EPB41L4A: variants seen among roughly 807,000 people sequenced by gnomAD.
EPB41L4A encodes erythrocyte membrane protein band 4.1 like 4A, also known as band 4.1-like protein 4A.
EPB41L4A carries 100 observed loss-of-function variants against 108.6 expected under a neutral mutation model. That is an observed-to-expected ratio of 0.92 (90% confidence interval 0.78 to 1.09). The LOEUF is 1.09. Among genes scored for constraint, EPB41L4A ranks in the 50% least tolerant of loss-of-function variants. The pLI is 0.00. For synonymous variants in EPB41L4A, 319 were observed against 289.0 expected, an observed-to-expected ratio of 1.10 and a Z score of -1.05; for missense variants, 1,030 against 842.7, an observed-to-expected ratio of 1.22 and a Z score of -2.75.
chr5:112,348,602 G>A (rs1239087673), intron 1 of EPB41L4A, among the ~76,000 whole-genome samples: 2 of 152,122 alleles, frequency 1.3e-5, no homozygotes, highest in East Asian at 1.9e-4. Context: ...GTGAGCTCAC[G>A]GCAAATCTGC....
At chr5:112,273,482 G>C (rs12515317) in intron 4 of EPB41L4A, among the ~76,000 whole-genome samples, 47,610 of 152,054 alleles carry the variant, frequency 0.31, 7,717 homozygotes, top group African/African-American at 0.37. Context: ...ATTAACTCAA[G>C]TATTTTTGGA....
At chr5:112,209,864 G>A (rs749250189) in intron 13 of EPB41L4A, 28 bp downstream of exon 13, 20 of 1,384,642 alleles carry the variant, frequency 1.4e-5, no homozygotes, top group Non-Finnish European at 2.0e-5. Flanking sequence ...GCATATAATT[G>A]TACGTTTCTT....
chr5:112,240,762 TGCAA>T lies in EPB41L4A; in HGVS notation c.840_843del (p.Cys281SerfsTer48). On this transcript the variant is annotated frameshift_variant, in exon 10 of 23. Coordinates refer to ENST00000261486, the MANE Select transcript of EPB41L4A (RefSeq NM_022140.5). LOFTEE classifies it high-confidence loss of function. ...TCCACACTGCACTTCCAGAGGTGCT[TGCAA>T]GCAGTTTTACTCCGAGCTTCAAAAA... 1 of 1,586,862 alleles carries T rather than the reference TGCAA, an allele frequency of 6.3e-7. No individual in the cohort carries two copies. The highest frequency in any genetic ancestry group is 1.2e-5 in the South Asian group (1 of 84,564).
intron 4 of EPB41L4A, among the ~76,000 whole-genome samples, chr5:112,274,261 C>A (rs937587614): frequency 6.6e-6 from 1 of 152,114 alleles, no homozygotes; most frequent in African/African-American, 2.4e-5. Flanking sequence ...GCCTGTGTGA[C>A]AGAGCGAGAC....
At chr5:112,387,311 G>A (rs1760616369) in intron 1 of EPB41L4A, among the ~76,000 whole-genome samples, 1 of 152,122 alleles carries the variant, frequency 6.6e-6, no homozygotes, top group Non-Finnish European at 1.5e-5. Flanking sequence ...TATCTATAAG[G>A]TAAAGAACTG....
At chr5:112,342,635 C>A (rs747782582) in intron 1 of EPB41L4A, among the ~76,000 whole-genome samples, 1 of 152,180 alleles carries the variant, frequency 6.6e-6, no homozygotes, top group Non-Finnish European at 1.5e-5. Flanking sequence ...CAGCAGTCAG[C>A]AGCCAGCAGC....
At chr5:112,167,991 C>A (rs1471956503) in intron 22 of EPB41L4A, among the ~76,000 whole-genome samples, 1 of 152,218 alleles carries the variant, frequency 6.6e-6, no homozygotes, top group Non-Finnish European at 1.5e-5. Context: ...TCAAATGACA[C>A]TGAAAACCAC....
At chr5:112,186,417 G>A (rs558294817) in intron 17 of EPB41L4A, among the ~76,000 whole-genome samples, 4 of 152,292 alleles carry the variant, frequency 2.6e-5, no homozygotes, top group Admixed American at 2.6e-4. Flanking sequence ...TGAGACATAA[G>A]CATGCGTATT....
At chr5:112,208,750 AAGG>A (rs534099669) in intron 13 of EPB41L4A, among the ~76,000 whole-genome samples, 1 of 152,326 alleles carries the variant, frequency 6.6e-6, no homozygotes, top group East Asian at 1.9e-4. Context: ...AAATTTTTAA[AAGG>A]AGGATTGTAC....
At chr5:112,287,016 C>A (rs12657885) in intron 2 of EPB41L4A, among the ~76,000 whole-genome samples, 1 of 152,082 alleles carries the variant, frequency 6.6e-6, no homozygotes. Context: ...CTTCTCCTCC[C>A]GTCTCACTGG....
At chr5:112,323,941 A>G (rs897051217) in intron 1 of EPB41L4A, among the ~76,000 whole-genome samples, 3 of 151,946 alleles carry the variant, frequency 2.0e-5, no homozygotes, top group African/African-American at 7.3e-5. Flanking sequence ...CTGAGAGAAA[A>G]CTCCCAGCCA....
At chr5:112,142,106 G>A (rs1420891124), downstream of EPB41L4A, among the ~76,000 whole-genome samples, 2 of 152,102 alleles carry the variant, frequency 1.3e-5, no homozygotes, top group African/African-American at 4.8e-5. Flanking sequence ...TTACCCTTTT[G>A]AGTTTCTTTG....
intron 5 of EPB41L4A, 152 bp from the exon 6 acceptor site, chr5:112,265,168 C>T: frequency 1.5e-6 from 1 of 687,798 alleles, no homozygotes; most frequent in Non-Finnish European, 2.2e-6. Context: ...TAAAACAAAT[C>T]TGATGAGCAT....
chr5:112,416,355 CAAGT>C (rs1248412326), intron 1 of EPB41L4A, among the ~76,000 whole-genome samples: 1 of 152,032 alleles, frequency 6.6e-6, no homozygotes, highest in Non-Finnish European at 1.5e-5. Flanking sequence ...AGCAAATTCT[CAAGT>C]AACCATTTAG....
At chr5:112,417,042 A>G (rs1363276057) in intron 1 of EPB41L4A, among the ~76,000 whole-genome samples, 1 of 152,216 alleles carries the variant, frequency 6.6e-6, no homozygotes, top group East Asian at 1.9e-4. Flanking sequence ...CCTGTTGTTA[A>G]ATGATTATTT....
intron 1 of EPB41L4A, among the ~76,000 whole-genome samples, chr5:112,417,288 G>A (rs931581960): frequency 2.6e-5 from 4 of 152,170 alleles, no homozygotes; most frequent in African/African-American, 9.7e-5. Context: ...ACAGAATAAT[G>A]TACACGCTCT....
chr5:112,389,069 A>G (rs1279926114), intron 1 of EPB41L4A, among the ~76,000 whole-genome samples: 1 of 150,898 alleles, frequency 6.6e-6, no homozygotes, highest in East Asian at 1.9e-4. Context: ...TTGGACGTGG[A>G]AAAAAAAAAT....
chr5:112,359,317 T>C (rs1758560891), intron 1 of EPB41L4A, among the ~76,000 whole-genome samples: 1 of 152,184 alleles, frequency 6.6e-6, no homozygotes, highest in Non-Finnish European at 1.5e-5. Context: ...AATAAGAAAT[T>C]CACTAAATTT....
chr5:112,334,321 G>T (rs2150675168), intron 1 of EPB41L4A, among the ~76,000 whole-genome samples: 1 of 152,274 alleles, frequency 6.6e-6, no homozygotes, highest in Non-Finnish European at 1.5e-5. Flanking sequence ...GCTGTCTCTT[G>T]TGGGGGAAAT....
Sources: allele counts gnomAD v4.1 joint callset (sites outside exome capture counted in the v4.1 genomes callset), GRCh38; gene constraint gnomAD v4.1.1; transcripts MANE v1.5; gene names NCBI Gene and HGNC (gene_info 2026-07-23, HGNC 2026-07-21).